SSU72: variants seen among roughly 807,000 people sequenced by gnomAD.
The protein encoded by SSU72 is RNA polymerase II subunit A C-terminal domain phosphatase SSU72.
In SSU72, 12 loss-of-function variants were observed where a neutral mutation model predicts 22.7. That is an observed-to-expected ratio of 0.53 (90% CI 0.34 to 0.86). The LOEUF is 0.86. SSU72 is among the 40% of genes least tolerant of loss of function. The pLI is 0.02. For missense variants in SSU72, 151 were observed against 249.8 expected (o/e 0.60, Z 2.67); for synonymous variants, 116 against 98.3 (o/e 1.18, Z -1.06).
chr1:1,567,132 T>C (rs1019292022), intron 1 of SSU72, among the ~76,000 whole-genome samples: 1 of 152,138 alleles, frequency 6.6e-6, no homozygotes, highest in African/African-American at 2.4e-5. Context: ...AATCCATCCA[T>C]GGGGCAGGAC....
Position 1,554,819 on chromosome 1 carries a change from C to T in SSU72, c.225-9817G>A, listed in dbSNP as rs1445647057. 6.6e-6 allele frequency among the ~76,000 whole-genome samples: 1 copy of T among 152,188 alleles called. No homozygotes were observed. Among genetic ancestry groups the T allele is most frequent in the Admixed American group, 6.5e-5 (1 of 15,280 alleles). On this transcript the variant is annotated intron_variant, in intron 2 of 4. Transcript: ENST00000291386. This position sits in a 1 kb window ranked among gnomAD's most constrained non-coding sequence, Gnocchi z 4.1. ...ACAGCCCTGGGCAGCCCAGCACCAT[C>T]CTGGGTTCCCTGCTGCCGGCGCCAG...
chr1:1,573,429 C>CAAAAAAAAAAAAAAAAAAAA (rs56930035), intron 1 of SSU72, among the ~76,000 whole-genome samples: 1 of 107,452 alleles, frequency 9.3e-6, no homozygotes, highest in Non-Finnish European at 2.6e-5. Flanking sequence ...GACTCTGTCT[C>CAAAAAAAAAAAAAAAAAAAA]AAAAAAAAAA....
At chr1:1,546,654 T>C (rs191100326) in intron 2 of SSU72, among the ~76,000 whole-genome samples, 20 of 151,784 alleles carry the variant, frequency 1.3e-4, no homozygotes, top group African/African-American at 4.8e-4. Flanking sequence ...CTGGCCAAGA[T>C]GGTGAAACCC....
At chr1:1,568,497 C>T (rs1217084509) in intron 1 of SSU72, among the ~76,000 whole-genome samples, 3 of 149,114 alleles carry the variant, frequency 2.0e-5, no homozygotes, top group South Asian at 2.1e-4. Flanking sequence ...CCAGTTACTC[C>T]GGAGGCTGAG....
At chr1:1,551,784 T>A (rs1170219400) in intron 2 of SSU72, among the ~76,000 whole-genome samples, 1 of 152,166 alleles carries the variant, frequency 6.6e-6, no homozygotes, top group Non-Finnish European at 1.5e-5. Context: ...CAACGTCACA[T>A]CGCCCCGAAG....
At chr1:1,544,776 T>A in intron 3 of SSU72, 87 bp downstream of exon 3, 1 of 1,589,924 alleles carries the variant, frequency 6.3e-7, no homozygotes, top group Non-Finnish European at 8.6e-7. Flanking sequence ...CTAGACGGGC[T>A]GTACTGGTCA....
chr1:1,547,660 C>G (rs1642407305), intron 2 of SSU72, among the ~76,000 whole-genome samples: 1 of 152,238 alleles, frequency 6.6e-6, no homozygotes, highest in African/African-American at 2.4e-5. Flanking sequence ...GGCAAAGGCT[C>G]AGAGCAAGGC....
intron 1 of SSU72, among the ~76,000 whole-genome samples, chr1:1,572,250 A>AC (rs1193804220): frequency 8.0e-6 from 1 of 125,100 alleles, no homozygotes; most frequent in Non-Finnish European, 1.7e-5. Context: ...ACATGGTGAA[A>AC]CCCCGTCTCT....
intron 2 of SSU72, among the ~76,000 whole-genome samples, chr1:1,560,424 G>A (rs1452577557): frequency 1.3e-5 from 2 of 152,202 alleles, no homozygotes; most frequent in African/African-American, 2.4e-5. Flanking sequence ...AACTGCAGGC[G>A]TGGCTCGTCT....
rs1642498195 is a variant in SSU72, at chr1:1,554,646, T to G, written c.225-9644A>C. 1.3e-5 allele frequency among the ~76,000 whole-genome samples: 2 copies of G among 152,062 alleles called. No homozygotes were observed. Among genetic ancestry groups the G allele is most frequent in the Non-Finnish European group, 2.9e-5 (2 of 68,002 alleles). The stretch of plus-strand genomic sequence containing the variant: ...AGAGGCCAGGACCACACTACCCTGC[T>G]ATGAGTCACCAGGGACTTGAAAGGG... On this transcript the variant is annotated intron_variant, in intron 2 of 4. Coordinates refer to ENST00000291386, the MANE Select transcript of SSU72 (RefSeq NM_014188.3). This position sits in a 1 kb window ranked among gnomAD's most constrained non-coding sequence, Gnocchi z 4.1.
chr1:1,544,033 G>C (rs747520459), intron 3 of SSU72, 46 bp from the exon 4 acceptor site: 2 of 1,472,622 alleles, frequency 1.4e-6, no homozygotes, highest in East Asian at 4.6e-5. Flanking sequence ...CCAAAACCAG[G>C]GAACAGGCAG....
At position 1,559,059 on chromosome 1, in the gene SSU72, G is replaced by T. The variant is rs143885088; in HGVS notation, c.224+5714C>A. The stretch of plus-strand genomic sequence containing the variant: ...CCTCTGCACGTGACCCTGGGAGCCA[G>T]GCTCAAGCCCCTCGGCAGGACACCC... On this transcript the variant is annotated intron_variant, in intron 2 of 4. Coordinates refer to ENST00000291386, the MANE Select transcript of SSU72 (RefSeq NM_014188.3). Among the ~76,000 whole-genome samples the T allele has an allele frequency of 2.6e-5, 4 of 152,370 alleles. No homozygotes were observed. In the East Asian group the frequency reaches 7.7e-4, roughly 29 times the overall value.
At chr1:1,550,716 G>A (rs906725180) in intron 2 of SSU72, among the ~76,000 whole-genome samples, 11 of 152,198 alleles carry the variant, frequency 7.2e-5, no homozygotes, top group East Asian at 3.9e-4. Flanking sequence ...GAGGGAGGGC[G>A]GAGGTTTAGC....
intron 2 of SSU72, among the ~76,000 whole-genome samples, chr1:1,557,126 TGCTGGGCGGGAC>T (rs1642531253): frequency 6.6e-6 from 1 of 152,224 alleles, no homozygotes; most frequent in East Asian, 1.9e-4. Context: ...AAAACACAGC[TGCTGGGCGGGAC>T]GCAGTGGCTC....
At position 1,554,870 on chromosome 1, in the gene SSU72, C is replaced by A. The variant is rs1467497162; in HGVS notation, c.225-9868G>T. Among the ~76,000 whole-genome samples, 1 of 152,190 alleles carries A rather than the reference C, an allele frequency of 6.6e-6. No homozygotes were observed. The highest frequency in any genetic ancestry group is 1.5e-5 in the Non-Finnish European group (1 of 68,038). On this transcript the variant is annotated intron_variant, in intron 2 of 4. Transcript: ENST00000291386. The surrounding 1 kb of genome is among the most constrained non-coding windows in gnomAD (Gnocchi z 4.1). Reference sequence around the variant, plus strand: ...CCCCACGTACCCCCGACCACCTCAGCTCCTGGCCCTCAGCCTCTCCTTTGC... The same window carrying A: ...CCCCACGTACCCCCGACCACCTCAGATCCTGGCCCTCAGCCTCTCCTTTGC...
intron 2 of SSU72, among the ~76,000 whole-genome samples, chr1:1,557,128 C>G (rs1334853016): frequency 6.6e-6 from 1 of 152,220 alleles, no homozygotes; most frequent in Non-Finnish European, 1.5e-5. Context: ...AACACAGCTG[C>G]TGGGCGGGAC....
At chr1:1,551,369 G>A (rs956553960) in intron 2 of SSU72, among the ~76,000 whole-genome samples, 8 of 152,262 alleles carry the variant, frequency 5.3e-5, no homozygotes, top group Non-Finnish European at 1.0e-4. Flanking sequence ...GCTGCAAAGG[G>A]AACAGCAGCA....
chr1:1,560,668 A>G (rs530749199), intron 2 of SSU72, among the ~76,000 whole-genome samples: 15 of 152,214 alleles, frequency 9.9e-5, no homozygotes, highest in Non-Finnish European at 1.9e-4. Flanking sequence ...AGGCAACCTC[A>G]CAGAAAGTCA....
intron 1 of SSU72, 127 bp downstream of exon 1, chr1:1,574,350 GC>G: frequency 1.0e-6 from 1 of 981,060 alleles, no homozygotes; most frequent in South Asian, 1.6e-5. Flanking sequence ...ATCCCAACCA[GC>G]CGACCCACGA....
Sources: allele counts gnomAD v4.1 joint callset (sites outside exome capture counted in the v4.1 genomes callset), GRCh38; gene constraint gnomAD v4.1.1; non-coding constraint Gnocchi (gnomAD v3.1); transcripts MANE v1.5; gene names NCBI Gene and HGNC (gene_info 2026-07-23, HGNC 2026-07-21).